Variants in KPNA4 observed in about 807,000 individuals in gnomAD.
The protein encoded by KPNA4 is importin subunit alpha-3.
Under a neutral mutation model 71.3 loss-of-function variants are expected in KPNA4, and 13 were observed. The ratio of observed to expected loss-of-function variants is 0.18; its 90% CI spans 0.12 to 0.29. The LOEUF (loss-of-function observed/expected upper bound fraction) is 0.29. Among genes scored for constraint, KPNA4 ranks in the 10% least tolerant of loss-of-function variants. The probability of loss-of-function intolerance (pLI) is 1.00; values close to 1 mark genes in which losing one functional copy is unlikely to be tolerated. For synonymous variants in KPNA4, 189 were observed against 195.2 expected, an observed-to-expected ratio of 0.97 and a Z score of 0.26; for missense variants, 334 against 603.2, an observed-to-expected ratio of 0.55 and a Z score of 4.67.
intron 1 of KPNA4, among the ~76,000 whole-genome samples, chr3:160,551,723 T>C (rs1005798445): frequency 1.3e-5 from 2 of 152,158 alleles, no homozygotes; most frequent in Admixed American, 6.5e-5. Context: ...TTAAACCAAA[T>C]TGAGAGCCTG....
intron 10 of KPNA4, among the ~76,000 whole-genome samples, chr3:160,523,526 AT>A (rs1394614231): frequency 1.3e-5 from 2 of 152,088 alleles, no homozygotes; most frequent in Admixed American, 1.3e-4. Context: ...CTCTAAGGAT[AT>A]TTCTAATGTA....
intron 7 of KPNA4, among the ~76,000 whole-genome samples, chr3:160,529,104 T>C (rs958234072): frequency 3.3e-5 from 5 of 152,078 alleles, no homozygotes; most frequent in African/African-American, 9.7e-5. Context: ...AATTTTTTTT[T>C]CCTGCATTTT....
intron 5 of KPNA4, among the ~76,000 whole-genome samples, chr3:160,532,183 A>G (rs943743397): frequency 6.6e-6 from 1 of 152,268 alleles, no homozygotes; most frequent in Non-Finnish European, 1.5e-5. Context: ...TAAAAAATAC[A>G]TGTTACTTTT....
intron 1 of KPNA4, among the ~76,000 whole-genome samples, chr3:160,555,716 T>TC (rs1722122996): frequency 6.6e-6 from 1 of 152,178 alleles, no homozygotes. Context: ...CTATTATACT[T>TC]CATTTTATAG....
chr3:160,563,101 A>G (rs919153165), intron 1 of KPNA4, among the ~76,000 whole-genome samples: 2 of 152,222 alleles, frequency 1.3e-5, no homozygotes, highest in African/African-American at 2.4e-5. Flanking sequence ...ATAGCTAAAA[A>G]AGTGGAAACA....
intron 11 of KPNA4, among the ~76,000 whole-genome samples, chr3:160,517,409 G>A (rs987857707): frequency 2.0e-5 from 3 of 151,972 alleles, no homozygotes; most frequent in Non-Finnish European, 2.9e-5. Context: ...TACAAATAAC[G>A]CTGCTGTGAA....
At chr3:160,544,591 C>T (rs1042870631) in intron 1 of KPNA4, among the ~76,000 whole-genome samples, 2 of 152,110 alleles carry the variant, frequency 1.3e-5, no homozygotes, top group Non-Finnish European at 2.9e-5. Flanking sequence ...GAATCCTTAA[C>T]AGAAGAAATA....
At chr3:160,528,194 T>C (rs1388693874) in intron 7 of KPNA4, among the ~76,000 whole-genome samples, 155 bp from the exon 8 acceptor site, 1 of 152,178 alleles carries the variant, frequency 6.6e-6, no homozygotes, top group East Asian at 1.9e-4. Flanking sequence ...AATAGCATCA[T>C]TGGAAGAATT....
chr3:160,504,127 C>T (rs1455727076), intron 16 of KPNA4, among the ~76,000 whole-genome samples: 1 of 152,086 alleles, frequency 6.6e-6, no homozygotes, highest in South Asian at 2.1e-4. Context: ...GTTTATTTAA[C>T]TGGCATTATA....
chr3:160,507,083 T>G (rs1028893435), intron 15 of KPNA4, among the ~76,000 whole-genome samples: 1 of 152,142 alleles, frequency 6.6e-6, no homozygotes, highest in Non-Finnish European at 1.5e-5. Context: ...TGTCTATATA[T>G]TAACTCTAAG....
intron 11 of KPNA4, among the ~76,000 whole-genome samples, chr3:160,516,863 A>T (rs1025438785): frequency 2.0e-5 from 3 of 152,046 alleles, no homozygotes; most frequent in Non-Finnish European, 4.4e-5. Flanking sequence ...TTGAATTATC[A>T]ATTATTTTTC....
chr3:160,560,596 T>C (rs560630252), intron 1 of KPNA4, among the ~76,000 whole-genome samples: 2 of 151,070 alleles, frequency 1.3e-5, no homozygotes, highest in South Asian at 2.1e-4. Flanking sequence ...TACCTTTGCA[T>C]TTTTTTTTCT....
rs149562496 is a variant in KPNA4, at chr3:160,528,651, C to T, written c.470-612G>A. 7.0e-4 allele frequency among the ~76,000 whole-genome samples: 107 copies of T among 152,316 alleles called. No homozygotes were observed. The East Asian group carries it at 0.021, about 29-fold the overall frequency. ...AAAGTGCTGGGATTACAGGCATGAG[C>T]CACTGCACCCGGCCTGAAGTAACTT... On this transcript the variant is annotated intron_variant, in intron 7 of 16. Transcript: ENST00000334256.
intron 16 of KPNA4, among the ~76,000 whole-genome samples, chr3:160,504,657 G>A (rs913721362): frequency 6.6e-5 from 10 of 151,962 alleles, no homozygotes; most frequent in African/African-American, 2.4e-4. Context: ...TTATAAATAT[G>A]GTATGCTATT....
chr3:160,527,810 A>G (rs1310817864), intron 8 of KPNA4, 143 bp downstream of exon 8: 2 of 539,658 alleles, frequency 3.7e-6, no homozygotes, highest in African/African-American at 3.8e-5. Flanking sequence ...TTTTACAGTA[A>G]TACAGTTCAA....
intron 1 of KPNA4, among the ~76,000 whole-genome samples, chr3:160,542,076 T>C (rs1302065330): frequency 4.6e-5 from 7 of 152,288 alleles, no homozygotes; most frequent in East Asian, 1.9e-4. Flanking sequence ...GTAGAAAATA[T>C]AGCATGTACA....
chr3:160,526,511 T>C (rs535812177), intron 8 of KPNA4, among the ~76,000 whole-genome samples: 3 of 152,380 alleles, frequency 2.0e-5, no homozygotes, highest in Admixed American at 6.5e-5. Context: ...TAGAAAACTA[T>C]GTCAGAAGAA....
chr3:160,522,020 T>C (rs189231764), intron 10 of KPNA4, 110 bp from the exon 11 acceptor site: 2 of 854,170 alleles, frequency 2.3e-6, no homozygotes, highest in African/African-American at 3.4e-5. Context: ...CCTTCTTTTC[T>C]TCTCTCAGTT....
At chr3:160,559,482 A>G (rs1409596477) in intron 1 of KPNA4, among the ~76,000 whole-genome samples, 1 of 152,180 alleles carries the variant, frequency 6.6e-6, no homozygotes. Context: ...AAATAATCCA[A>G]TGCATGGTAT....
Sources: gnomAD v4.1 joint callset for allele counts (sites outside exome capture counted in the v4.1 genomes callset) on GRCh38, gnomAD v4.1.1 for gene constraint, MANE v1.5 for transcripts, NCBI Gene and HGNC (gene_info 2026-07-23, HGNC 2026-07-21) for gene names.